Variants in ZNF827 observed in about 807,000 individuals in gnomAD.
ZNF827 encodes the protein zinc finger protein 827.
A neutral mutation model predicts 102.4 loss-of-function variants in ZNF827; 13 were observed. The observed-to-expected ratio is 0.13, with a 90% CI of 0.08 to 0.20. The LOEUF is 0.20. ZNF827 is among the 10% of genes least tolerant of loss of function. The pLI is 1.00. For synonymous variants in ZNF827, 523 were observed against 536.2 expected, an observed-to-expected ratio of 0.98 and a Z score of 0.34; for missense variants, 1,103 against 1,344.4, an observed-to-expected ratio of 0.82 and a Z score of 2.81.
At chr4:145,932,117 A>G (rs1753851842) in intron 1 of ZNF827, among the ~76,000 whole-genome samples, 1 of 152,252 alleles carries the variant, frequency 6.6e-6, no homozygotes. Flanking sequence ...TTGAGCCCTC[A>G]GCAAACACTG....
At chr4:145,778,549 T>A (rs986712679) in intron 9 of ZNF827, among the ~76,000 whole-genome samples, 2 of 152,078 alleles carry the variant, frequency 1.3e-5, no homozygotes, top group Admixed American at 6.5e-5. Flanking sequence ...GAGGCAGAGG[T>A]TGCAGTTAGC....
In ZNF827 at chr4:145,870,453, A is replaced by G; in HGVS notation, c.1773T>C (p.Asn591=). 6.2e-7 allele frequency: 1 copy of G among 1,614,056 alleles called. No individual in the cohort carries two copies. The highest frequency in any genetic ancestry group is 8.5e-7 in the Non-Finnish European group (1 of 1,179,980). Residue 591 remains asparagine, a synonymous_variant, in exon 5 of 15, where the codon AAT becomes AAC. Coordinates refer to ENST00000508784, the MANE Select transcript of ZNF827 (RefSeq NM_001306215.2). ...GCTCCTCTTTCACTTTAAAATTAAG[A>G]TTCATGGGCTCCTTCTGATTTGCAG... is the stretch of plus-strand genomic sequence containing the variant. ...LSAANQKEPM[N]LNFKVKEEPK...
intron 3 of ZNF827, among the ~76,000 whole-genome samples, chr4:145,890,408 C>T (rs976579557): frequency 6.6e-6 from 1 of 152,198 alleles, no homozygotes; most frequent in Non-Finnish European, 1.5e-5. Context: ...TCATCTGTGA[C>T]ACTGCCATGG....
chr4:145,827,900 TCTC>T (rs1037050097), intron 7 of ZNF827, among the ~76,000 whole-genome samples: 2 of 152,194 alleles, frequency 1.3e-5, no homozygotes, highest in African/African-American at 4.8e-5. Context: ...TTCTTTTTCT[TCTC>T]CTGTGCCAGT....
intron 2 of ZNF827, among the ~76,000 whole-genome samples, chr4:145,896,489 C>G (rs891479226): frequency 6.6e-6 from 1 of 152,108 alleles, no homozygotes; most frequent in Non-Finnish European, 1.5e-5. Flanking sequence ...CTTTGTGTCT[C>G]CAGCCCCCAA....
intron 8 of ZNF827, among the ~76,000 whole-genome samples, chr4:145,802,990 A>G (rs1741064189): frequency 6.6e-6 from 1 of 152,082 alleles, no homozygotes; most frequent in Non-Finnish European, 1.5e-5. Context: ...AATTGCAGAC[A>G]TGGTACATGT....
chr4:145,899,512 G>A (rs1183477048), intron 2 of ZNF827, among the ~76,000 whole-genome samples: 4 of 152,208 alleles, frequency 2.6e-5, no homozygotes, highest in Non-Finnish European at 5.9e-5. Context: ...CTGCTGGGAA[G>A]TGATGACATT....
intron 9 of ZNF827, 45 bp downstream of exon 9, chr4:145,779,329 G>T: frequency 6.3e-7 from 1 of 1,593,516 alleles, no homozygotes; most frequent in South Asian, 1.1e-5. Flanking sequence ...AAAGAAGTTG[G>T]TGATGGAGCA....
Position 145,768,909 on chromosome 4 carries a change from AT to A in ZNF827, c.2861-3172del, listed in dbSNP as rs1560894680. ...AAAAAAAATATATATATATATATAT[AT>A]ATATATTAGGTATACAAAGTTTGGA... On this transcript the variant is annotated intron_variant, in intron 11 of 14. Coordinates refer to ENST00000508784, the MANE Select transcript of ZNF827 (RefSeq NM_001306215.2). Among the ~76,000 whole-genome samples, 96 of 41,976 alleles carry A rather than the reference AT, an allele frequency of 2.3e-3. 13 individuals carry two copies. Among genetic ancestry groups the A allele is most frequent in the African/African-American group, 5.3e-3 (73 of 13,668 alleles). The allele number at this position is 41,976 out of a possible 152,430, so 27.5% of individuals were successfully genotyped here. A position where few individuals can be genotyped will look rare whatever the true frequency, so the allele number is the denominator to read the frequency against.
Position 145,902,218 on chromosome 4 carries a change from T to C in ZNF827, c.1041A>G (p.Glu347=), listed in dbSNP as rs779520770. 1.2e-6 allele frequency: 2 copies of C among 1,607,424 alleles called. No individual in the cohort carries two copies. Among genetic ancestry groups the C allele is most frequent in the Admixed American group, 1.7e-5 (1 of 58,844 alleles). Residue 347 remains glutamate (E), a synonymous_variant, in exon 2 of 15, where the codon GAA becomes GAG. Transcript: ENST00000508784. The surrounding 1 kb of genome is among the most constrained non-coding windows in gnomAD (Gnocchi z 4.3). ...PPPPPPPQSL[E]LLLLPVPKGR... is the part of the protein sequence containing the mutation. ...CCTTAGGAACTGGGAGTAATAATAATTCCAGGGATTGTGGTGGTGGTGGTG... is the reference window on the plus strand; with the variant it reads ...CCTTAGGAACTGGGAGTAATAATAACTCCAGGGATTGTGGTGGTGGTGGTG...
rs993072562 is a variant in ZNF827, at chr4:145,886,005, C to T, written c.1420G>A (p.Val474Ile). The T allele has an allele frequency of 1.2e-6, 2 of 1,614,058 alleles. No homozygotes were observed. The highest frequency in any genetic ancestry group is 2.7e-5 in the African/African-American group (2 of 74,944). Residue 474 changes from valine to isoleucine, a missense_variant, in exon 4 of 15, where the codon GTC becomes ATC. This residue lies in a region of ZNF827 where 157 missense variants were observed against 211.7 expected (regional missense o/e 0.74). Transcript: ENST00000508784. ...KVKEEIPDPDVKGSPHLSDSA... is the reference protein window; with the variant it reads ...KVKEEIPDPDIKGSPHLSDSA... ...TCACTGAGGTGGGGAGATCCCTTGACATCTGGGTCTGGGATCTCCTCCTTC... is the reference window on the plus strand; with the variant it reads ...TCACTGAGGTGGGGAGATCCCTTGATATCTGGGTCTGGGATCTCCTCCTTC...
intron 2 of ZNF827, among the ~76,000 whole-genome samples, chr4:145,900,893 A>C (rs1449787686): frequency 6.6e-6 from 1 of 152,144 alleles, no homozygotes; most frequent in Non-Finnish European, 1.5e-5. Flanking sequence ...AGAAGAGAGG[A>C]GAAGTGGAAC....
chr4:145,865,882 C>T (rs539610416), intron 5 of ZNF827, among the ~76,000 whole-genome samples: 38 of 152,286 alleles, frequency 2.5e-4, no homozygotes, highest in African/African-American at 7.5e-4. Flanking sequence ...ACTCTTGGGT[C>T]CCAGTTAAAG....
At chr4:145,915,846 C>G (rs1047606325) in intron 1 of ZNF827, among the ~76,000 whole-genome samples, 1 of 152,226 alleles carries the variant, frequency 6.6e-6, no homozygotes. Context: ...AAGTTATCCA[C>G]TTCCAAAATA....
At chr4:145,862,431 G>A (rs1270362361) in intron 5 of ZNF827, among the ~76,000 whole-genome samples, 3 of 151,968 alleles carry the variant, frequency 2.0e-5, no homozygotes, top group Non-Finnish European at 4.4e-5. Flanking sequence ...ATATAGATTT[G>A]GTACTCCCAA....
intron 8 of ZNF827, among the ~76,000 whole-genome samples, chr4:145,811,346 T>C (rs565315012): frequency 1.8e-4 from 28 of 152,308 alleles, no homozygotes; most frequent in Non-Finnish European, 2.9e-4. Context: ...TATTACATTA[T>C]GTAAGCCTCA....
At position 145,910,289 on chromosome 4, in the gene ZNF827, A is replaced by G. The variant is rs78040689; in HGVS notation, c.44-7074T>C. Among the ~76,000 whole-genome samples, 170 of 152,326 alleles carry G rather than the reference A, an allele frequency of 1.1e-3. 2 individuals carry two copies. In the East Asian group the frequency reaches 0.031, roughly 28 times the overall value. The stretch of plus-strand genomic sequence containing the variant: ...CAGAGTGAGTTCGAAAAAGTAGCTA[A>G]GTCAGTTTCAGTATTCTTCATATAA... On this transcript the variant is annotated intron_variant, in intron 1 of 14. Transcript: ENST00000508784.
intron 7 of ZNF827, among the ~76,000 whole-genome samples, chr4:145,837,381 G>A (rs2126590618): frequency 6.6e-6 from 1 of 152,120 alleles, no homozygotes; most frequent in African/African-American, 2.4e-5. Flanking sequence ...GAATGCTACA[G>A]GGTACAGCCC....
intron 1 of ZNF827, among the ~76,000 whole-genome samples, chr4:145,933,313 A>G (rs901101845): frequency 6.6e-6 from 1 of 152,170 alleles, no homozygotes; most frequent in African/African-American, 2.4e-5. Flanking sequence ...GGATGACAGG[A>G]TCAGTGAAAT....
Sources: gnomAD v4.1 joint callset for allele counts (sites outside exome capture counted in the v4.1 genomes callset) on GRCh38, gnomAD v4.1.1 for gene constraint, gnomAD v4.1.1 regional missense constraint, Gnocchi (gnomAD v3.1) non-coding constraint, MANE v1.5 for transcripts, NCBI Gene and HGNC (gene_info 2026-07-23, HGNC 2026-07-21) for gene names.